FBXO16: variants seen among roughly 807,000 people sequenced by gnomAD.
FBXO16 encodes F-box protein 16.
A neutral mutation model predicts 41.0 loss-of-function variants in FBXO16; 31 were observed. The observed-to-expected ratio is 0.76, with a 90% CI of 0.57 to 1.02. FBXO16 has a LOEUF of 1.02. FBXO16 is among the 50% of genes least tolerant of loss of function. The pLI is 0.00. For missense variants in FBXO16, 361 were observed against 346.2 expected (o/e 1.04, Z -0.34); for synonymous variants, 133 against 117.8 (o/e 1.13, Z -0.84).
chr8:28,440,278 T>A lies in FBXO16; in HGVS notation c.843+6893A>T, dbSNP rs1457385895. Among the ~76,000 whole-genome samples, 10 of 151,962 alleles carry A rather than the reference T, an allele frequency of 6.6e-5. No homozygotes were observed. The East Asian group carries it at 1.7e-3, about 26-fold the overall frequency. Reference sequence around the variant, plus strand: ...ACACCACACCTTGCTAATTATTTTATTTTTTTGCAGAGACAGGGTCTCACT... The same window carrying A: ...ACACCACACCTTGCTAATTATTTTAATTTTTTGCAGAGACAGGGTCTCACT... On this transcript the variant is annotated intron_variant, in intron 7 of 8. Coordinates refer to ENST00000380254, the MANE Select transcript of FBXO16 (RefSeq NM_172366.4).
Position 28,429,396 on chromosome 8 carries a change from CT to C in FBXO16, c.850del (p.Arg284GlyfsTer27). ...AACTCACAGTGGGAAGGGATTTCTC[CT>C]CGACATCTGGCCGCGAGCAGGAAAG... Reference protein sequence around the residue: ...RLRKAQSMMSRRNPFPLCP With the variant: ...RLRKAQSMMSXRNPFPLCP On this transcript the variant is annotated frameshift_variant, in exon 8 of 9. Coordinates refer to ENST00000380254, the MANE Select transcript of FBXO16 (RefSeq NM_172366.4). LOFTEE classifies it high-confidence loss of function. 6.2e-7 allele frequency: 1 copy of C among 1,613,956 alleles called. No individual in the cohort carries two copies. The highest frequency in any genetic ancestry group is 8.5e-7 in the Non-Finnish European group (1 of 1,179,952).
chr8:28,432,148 TG>T (rs1470822323), intron 7 of FBXO16, among the ~76,000 whole-genome samples: 3 of 151,682 alleles, frequency 2.0e-5, no homozygotes, highest in African/African-American at 7.3e-5. Flanking sequence ...TGTGTGTGTG[TG>T]TGTGTGTGTG....
rs922896366 is a variant in FBXO16 at position 28,479,414 on chromosome 8, T to C, written c.99+3934A>G. On this transcript the variant is annotated intron_variant, in intron 2 of 8. Transcript: ENST00000380254. Reference sequence around the variant, plus strand: ...TCTAAAAATCGAATTGCAAGAGGCATTCAGGCAATTTTTTGCCTCCTAAGA... The same window carrying C: ...TCTAAAAATCGAATTGCAAGAGGCACTCAGGCAATTTTTTGCCTCCTAAGA... Among the ~76,000 whole-genome samples, 9 of 152,364 alleles carry C rather than the reference T, an allele frequency of 5.9e-5. 1 individual carries two copies. Among genetic ancestry groups the C allele is most frequent in the African/African-American group, 2.2e-4 (9 of 41,588 alleles).
At position 28,483,319 on chromosome 8, in the gene FBXO16, C is replaced by A. The variant is rs1264903288; in HGVS notation, c.99+29G>T. On this transcript the variant is annotated intron_variant, in intron 2 of 8. Coordinates refer to ENST00000380254, the MANE Select transcript of FBXO16 (RefSeq NM_172366.4). Reference sequence around the variant, plus strand: ...TCTTTTTTCCTTTCAGTCATGGATTCAATTGTTAAAATAGTTCTGGTCACT... The same window carrying A: ...TCTTTTTTCCTTTCAGTCATGGATTAAATTGTTAAAATAGTTCTGGTCACT... 5.1e-6 allele frequency: 8 copies of A among 1,554,446 alleles called. No individual in the cohort carries two copies. In the South Asian group the frequency reaches 8.3e-5, roughly 16 times the overall value.
Position 28,463,790 on chromosome 8 carries a change from C to T in FBXO16, c.164G>A (p.Arg55Lys). 6.2e-7 allele frequency: 1 copy of T among 1,613,952 alleles called. No homozygotes were observed. The highest frequency in any genetic ancestry group is 1.1e-5 in the South Asian group (1 of 91,080). The change falls in exon 4 of 9, where the codon AGA (arginine) becomes AAA (lysine). Residue 55 changes from arginine (R) to lysine (K), a missense_variant. By Grantham distance (26) the Arg-to-Lys change is conservative. Coordinates refer to ENST00000380254, the MANE Select transcript of FBXO16 (RefSeq NM_172366.4). ...WFDKWTDSQR[R>K]RILTGLLERC... is the part of the protein sequence containing the mutation. ...CTCCAACAGGCCTGTGAGGATTCTT[C>T]TTCTTTGAGAGTCTGTCCATTTGTC...
intron 5 of FBXO16, among the ~76,000 whole-genome samples, chr8:28,454,016 A>T (rs909703225): frequency 2.6e-5 from 4 of 151,882 alleles, no homozygotes; most frequent in Non-Finnish European, 4.4e-5. Context: ...ATACAAAAAA[A>T]TTAGCCAGGT....
intron 6 of FBXO16, among the ~76,000 whole-genome samples, chr8:28,448,541 CAA>C (rs1802903039): frequency 6.6e-6 from 1 of 151,884 alleles, no homozygotes; most frequent in Non-Finnish European, 1.5e-5. Flanking sequence ...CAAAATGAAA[CAA>C]ATATATATCT....
chr8:28,488,202 C>T (rs527626622), intron 1 of FBXO16, among the ~76,000 whole-genome samples: 4 of 151,678 alleles, frequency 2.6e-5, no homozygotes, highest in South Asian at 4.2e-4. Context: ...AGAGGGCCTA[C>T]GACCCTAGTT....
chr8:28,447,386 T>G (rs1431073631), intron 6 of FBXO16, 113 bp from the exon 7 acceptor site: 17 of 905,564 alleles, frequency 1.9e-5, no homozygotes, highest in Non-Finnish European at 2.9e-5. Context: ...AAAGATTGTC[T>G]CCACTTAACT....
At chr8:28,486,491 T>G (rs954457742) in intron 1 of FBXO16, among the ~76,000 whole-genome samples, 2 of 152,118 alleles carry the variant, frequency 1.3e-5, no homozygotes, top group African/African-American at 4.8e-5. Flanking sequence ...CCCAAAGTGC[T>G]GGGATTACAG....
intron 1 of FBXO16, among the ~76,000 whole-genome samples, chr8:28,484,944 C>T (rs1025813331): frequency 3.3e-5 from 5 of 152,078 alleles, no homozygotes; most frequent in African/African-American, 9.7e-5. Context: ...GACACGATCT[C>T]GGCTCACCAC....
At chr8:28,464,901 C>T (rs150046671) in intron 3 of FBXO16, among the ~76,000 whole-genome samples, 77 of 152,320 alleles carry the variant, frequency 5.1e-4, no homozygotes, top group African/African-American at 1.9e-3. Context: ...ATCCACCCAC[C>T]TTGGCCTCCC....
chr8:28,445,103 G>C (rs566548257), intron 7 of FBXO16, among the ~76,000 whole-genome samples: 1 of 151,942 alleles, frequency 6.6e-6, no homozygotes, highest in Non-Finnish European at 1.5e-5. Flanking sequence ...TACTTTTTGG[G>C]GGATTTAATG....
chr8:28,433,232 A>G (rs902744218), intron 7 of FBXO16, among the ~76,000 whole-genome samples: 1 of 152,190 alleles, frequency 6.6e-6, no homozygotes, highest in Non-Finnish European at 1.5e-5. Flanking sequence ...TATTTACCCA[A>G]TATCCTGATG....
chr8:28,460,475 T>C (rs1170599644), intron 4 of FBXO16, among the ~76,000 whole-genome samples: 2 of 138,452 alleles, frequency 1.4e-5, no homozygotes, highest in East Asian at 4.7e-4. Flanking sequence ...TGACTCAGGC[T>C]AGCAGTGGCA....
Position 28,428,681 on chromosome 8 carries a change from G to C in FBXO16, c.*46C>G, listed in dbSNP as rs372002674. The C allele has an allele frequency of 4.4e-6, 7 of 1,575,240 alleles. No homozygotes were observed. In the African/African-American group the frequency reaches 8.1e-5, roughly 18 times the overall value. ...GTCTGGGAGTCCCACTGACTCAGGG[G>C]GAGGCCAGGCGAGATGAGCTGGAAC... On this transcript the variant is annotated 3_prime_UTR_variant, in exon 9 of 9. Coordinates refer to ENST00000380254, the MANE Select transcript of FBXO16 (RefSeq NM_172366.4).
Position 28,428,471 on chromosome 8 carries a change from G to T in FBXO16, c.*256C>A. The T allele has an allele frequency of 1.6e-6, 2 of 1,265,440 alleles. No individual in the cohort carries two copies. The highest frequency in any genetic ancestry group is 2.1e-6 in the Non-Finnish European group (2 of 939,738). 78.4% of individuals were successfully genotyped at this position (1,265,440 alleles called of 1,614,324 possible). ...ACTCACTACCACAATAAGTACTTAA[G>T]CTGAAAGAGTTTCTAATGGGAGCCA... On this transcript the variant is annotated 3_prime_UTR_variant, in exon 9 of 9. Transcript: ENST00000380254.
chr8:28,446,631 G>T (rs1405515684), intron 7 of FBXO16, among the ~76,000 whole-genome samples: 3 of 151,780 alleles, frequency 2.0e-5, no homozygotes, highest in Non-Finnish European at 4.4e-5. Context: ...CAGCACTTTG[G>T]GAGGCCGAGG....
At position 28,452,226 on chromosome 8, in the gene FBXO16, G is replaced by A; in HGVS notation, c.740+18C>T. On this transcript the variant is annotated intron_variant, in intron 6 of 8. Transcript: ENST00000380254. ...TTTCTAAAAACGAAGAAGTTGAGAAGAGCATGGAGCTTCTTACCCTTGCTG... is the reference window on the plus strand; with the variant it reads ...TTTCTAAAAACGAAGAAGTTGAGAAAAGCATGGAGCTTCTTACCCTTGCTG... 6.3e-7 allele frequency: 1 copy of A among 1,596,156 alleles called. No homozygotes were observed. Among genetic ancestry groups the A allele is most frequent in the Non-Finnish European group, 8.6e-7 (1 of 1,166,810 alleles).
Sources: allele counts gnomAD v4.1 joint callset (sites outside exome capture counted in the v4.1 genomes callset), GRCh38; gene constraint gnomAD v4.1.1; transcripts MANE v1.5; gene names NCBI Gene and HGNC (gene_info 2026-07-23, HGNC 2026-07-21).